ABLIM2: variants seen among roughly 807,000 people sequenced by gnomAD.
The protein encoded by ABLIM2 is actin binding LIM protein family member 2.
A neutral mutation model predicts 97.7 loss-of-function variants in ABLIM2; 53 were observed. The observed-to-expected ratio is 0.54, with a 90% confidence interval of 0.44 to 0.68. The LOEUF is 0.68. ABLIM2 is among the 30% of genes least tolerant of loss of function. ABLIM2 has a pLI of 0.00. For missense variants in ABLIM2, 835 were observed against 867.2 expected (o/e 0.96, Z 0.47); for synonymous variants, 361 against 345.8 (o/e 1.04, Z -0.49).
chr4:8,018,949 G>A (rs1030851270), intron 14 of ABLIM2, among the ~76,000 whole-genome samples: 1 of 152,186 alleles, frequency 6.6e-6, no homozygotes, highest in Non-Finnish European at 1.5e-5. Flanking sequence ...CGAGGCTCAG[G>A]ATGGTGAAGC....
At chr4:8,154,315 C>T (rs1714478705) in intron 1 of ABLIM2, among the ~76,000 whole-genome samples, 1 of 130,898 alleles carries the variant, frequency 7.6e-6, no homozygotes, top group African/African-American at 3.0e-5. Flanking sequence ...CAGAGTCTTG[C>T]TCTGTCACCA....
In ABLIM2 at chr4:8,021,963, C is replaced by T. The variant is rs1445338058; in HGVS notation, c.1268-1660G>A. Among the ~76,000 whole-genome samples, 1 of 152,142 alleles carries T rather than the reference C, an allele frequency of 6.6e-6. No individual in the cohort carries two copies. Among genetic ancestry groups the T allele is most frequent in the Admixed American group, 6.5e-5 (1 of 15,274 alleles). ...GCACCCTTGCTGGTCAGGTCACGCTCGTCAGGATGCTCCACGGTGGACTCC... is the reference window on the plus strand; with the variant it reads ...GCACCCTTGCTGGTCAGGTCACGCTTGTCAGGATGCTCCACGGTGGACTCC... On this transcript the variant is annotated intron_variant, in intron 12 of 20. Transcript: ENST00000447017. This position sits in a 1 kb window ranked among gnomAD's most constrained non-coding sequence, Gnocchi z 5.5.
At chr4:7,985,094 C>T (rs7662700) in intron 17 of ABLIM2, among the ~76,000 whole-genome samples, 31,295 of 152,076 alleles carry the variant, frequency 0.21, 4,443 homozygotes, top group East Asian at 0.4. Flanking sequence ...ATGCTGTGCC[C>T]GTGGGACTGG....
At chr4:8,117,839 C>T (rs181784710) in intron 1 of ABLIM2, among the ~76,000 whole-genome samples, 13 of 152,248 alleles carry the variant, frequency 8.5e-5, no homozygotes, top group Admixed American at 5.9e-4. Flanking sequence ...TATCCCCCCA[C>T]GCAGCGTCCT....
At position 8,019,510 on chromosome 4, in the gene ABLIM2, T is replaced by C. The variant is rs1433622547; in HGVS notation, c.1423+108A>G. On this transcript the variant is annotated intron_variant, in intron 14 of 20. Transcript: ENST00000447017. This position sits in a 1 kb window ranked among gnomAD's most constrained non-coding sequence, Gnocchi z 4.3. ...GTCAGACTGCTAAGGGCCTTGGTGG[T>C]GCCTTCACTGCATTTATCAGAACAC... is the stretch of plus-strand genomic sequence containing the variant. 2 of 1,085,436 alleles carry C rather than the reference T, an allele frequency of 1.8e-6. No homozygotes were observed. Among genetic ancestry groups the C allele is most frequent in the African/African-American group, 3.2e-5 (2 of 61,988 alleles). The allele number at this position is 1,085,436 out of a possible 1,614,324, so 67.2% of individuals were successfully genotyped here.
chr4:8,014,028 C>G (rs994500185), intron 14 of ABLIM2, among the ~76,000 whole-genome samples: 2 of 152,242 alleles, frequency 1.3e-5, no homozygotes, highest in African/African-American at 4.8e-5. Flanking sequence ...GGGGGCTGTT[C>G]CACCACTGTG....
intron 1 of ABLIM2, among the ~76,000 whole-genome samples, chr4:8,131,954 A>AACATCAGCCCGCATCCCCT (rs1561607982): frequency 7.5e-6 from 1 of 134,190 alleles, no homozygotes; most frequent in African/African-American, 3.3e-5. Context: ...TGCATCCCTG[A>AACATCAGCCCGCATCCCCT]GCACAGCAGC....
In ABLIM2 at chr4:8,125,123, G is replaced by C. The variant is rs375593203; in HGVS notation, c.11-18486C>G. ...TTCGTATATTCGAGATACAAGTCCCGTGTCAGCTTGCTAATTTGCAAATAT... is the reference window on the plus strand; with the variant it reads ...TTCGTATATTCGAGATACAAGTCCCCTGTCAGCTTGCTAATTTGCAAATAT... On this transcript the variant is annotated intron_variant, in intron 1 of 20. Transcript: ENST00000447017. The surrounding 1 kb of genome is among the most constrained non-coding windows in gnomAD (Gnocchi z 6.2). Among the ~76,000 whole-genome samples the C allele has an allele frequency of 1.3e-5, 2 of 152,164 alleles. No individual in the cohort carries two copies. Among genetic ancestry groups the C allele is most frequent in the African/African-American group, 4.8e-5 (2 of 41,430 alleles).
Position 7,984,819 on chromosome 4 carries a change from A to G in ABLIM2, c.1735+20T>C. 6.3e-7 allele frequency: 1 copy of G among 1,580,042 alleles called. No individual in the cohort carries two copies. Among genetic ancestry groups the G allele is most frequent in the East Asian group, 2.3e-5 (1 of 43,534 alleles). On this transcript the variant is annotated intron_variant, in intron 18 of 20. Transcript: ENST00000447017. ...ACCCCTGCCCCAGCCAGAGACCCAC[A>G]GGGTCCCCGCTCTGTGTACCTCGCA...
intron 20 of ABLIM2, 93 bp from the exon 21 acceptor site, chr4:7,967,196 A>T: frequency 1.9e-6 from 2 of 1,038,540 alleles, no homozygotes; most frequent in Non-Finnish European, 3.0e-6. Flanking sequence ...ATCCAGGGGC[A>T]GGATTGCATT....
chr4:8,158,121 C>T (rs1002860689), intron 1 of ABLIM2, among the ~76,000 whole-genome samples: 1 of 152,292 alleles, frequency 6.6e-6, no homozygotes, highest in Admixed American at 6.5e-5. Flanking sequence ...GGGCTGGAGA[C>T]GCGCAGAGAT....
In ABLIM2 at chr4:8,020,245, G is replaced by T; in HGVS notation, c.1326C>A (p.Pro442=). Residue 442 remains proline, a synonymous_variant, in exon 13 of 21, where the codon CCC becomes CCA. Coordinates refer to ENST00000447017, the MANE Select transcript of ABLIM2 (RefSeq NM_001130083.2). ...SLSVLSDSKP[P]PSTYQQAPRH... ...GAGGTGCCTGCTGGTAGGTGGAGGGGGGCGGCTTGCTGTCAGAGAGCACGG... is the reference window on the plus strand; with the variant it reads ...GAGGTGCCTGCTGGTAGGTGGAGGGTGGCGGCTTGCTGTCAGAGAGCACGG... 6 of 1,613,936 alleles carry T rather than the reference G, an allele frequency of 3.7e-6. No individual in the cohort carries two copies. Among genetic ancestry groups the T allele is most frequent in the Non-Finnish European group, 5.1e-6 (6 of 1,179,874 alleles).
At chr4:8,121,570 G>A (rs556479411) in intron 1 of ABLIM2, among the ~76,000 whole-genome samples, 83 of 152,324 alleles carry the variant, frequency 5.4e-4, no homozygotes, top group Admixed American at 1.6e-3. Context: ...CCCAGCCCAG[G>A]TCACGCAGCA....
chr4:8,047,229 G>T (rs189931900), intron 8 of ABLIM2, among the ~76,000 whole-genome samples: 3 of 152,258 alleles, frequency 2.0e-5, no homozygotes, highest in African/African-American at 7.2e-5. Context: ...AGGAGAGGAG[G>T]GAGTGGGCAT....
In ABLIM2 at chr4:8,014,258, C is replaced by G. The variant is rs536264294; in HGVS notation, c.1424-5156G>C. ...CTGGGGAAGGTGCCCGGGGTTTCAT[C>G]CCTTAGGCCAGAGAGAGACGCCCTC... On this transcript the variant is annotated intron_variant, in intron 14 of 20. Coordinates refer to ENST00000447017, the MANE Select transcript of ABLIM2 (RefSeq NM_001130083.2). Among the ~76,000 whole-genome samples, 6 of 152,360 alleles carry G rather than the reference C, an allele frequency of 3.9e-5. No individual in the cohort carries two copies. The South Asian group carries it at 1.2e-3, about 32-fold the overall frequency.
chr4:7,977,790 C>CAATAAATAAATAAATGAATAAATAAATA lies in ABLIM2; in HGVS notation c.1824+5473_1824+5474insTATTTATTTATTCATTTATTTATTTATT, dbSNP rs1553886717. On this transcript the variant is annotated intron_variant, in intron 20 of 20. Coordinates refer to ENST00000447017, the MANE Select transcript of ABLIM2 (RefSeq NM_001130083.2). ...TGGGAGACTGAGGGAGACTCTGTCTCAATAAATAAATAAATAAATAAATAA... is the reference window on the plus strand; with the variant it reads ...TGGGAGACTGAGGGAGACTCTGTCTCAATAAATAAATAAATGAATAAATAAATAAATAAATAAATAAATAAATAAATAA... Among the ~76,000 whole-genome samples the CAATAAATAAATAAATGAATAAATAAATA allele has an allele frequency of 6.4e-4, 91 of 142,304 alleles. 1 individual carries two copies. Among genetic ancestry groups the CAATAAATAAATAAATGAATAAATAAATA allele is most frequent in the African/African-American group, 2.0e-3 (75 of 38,136 alleles). 93.4% of individuals were successfully genotyped at this position (142,304 alleles called of 152,430 possible). A position where few individuals can be genotyped will look rare whatever the true frequency, so the allele number is the denominator to read the frequency against.
At chr4:8,105,679 A>G (rs1043767725) in intron 2 of ABLIM2, among the ~76,000 whole-genome samples, 1 of 152,242 alleles carries the variant, frequency 6.6e-6, no homozygotes, top group East Asian at 1.9e-4. Flanking sequence ...GAAGGCAGGC[A>G]GGCACGGGGC....
intron 1 of ABLIM2, among the ~76,000 whole-genome samples, chr4:8,144,531 T>G (rs1404346915): frequency 6.6e-6 from 1 of 152,182 alleles, no homozygotes; most frequent in Non-Finnish European, 1.5e-5. Context: ...CTGACCCACA[T>G]TTAATGCAGA....
chr4:8,085,021 T>A lies in ABLIM2; in HGVS notation c.454+3148A>T, dbSNP rs1290663973. ...CAGAGCTTCAGGGACACAGGGGACC[T>A]CCCAACGAGAGTGGTGGGGAAGCTG... On this transcript the variant is annotated intron_variant, in intron 4 of 20. Transcript: ENST00000447017. This position sits in a 1 kb window ranked among gnomAD's most constrained non-coding sequence, Gnocchi z 6.1. Among the ~76,000 whole-genome samples, 2 of 152,144 alleles carry A rather than the reference T, an allele frequency of 1.3e-5. No individual in the cohort carries two copies. Among genetic ancestry groups the A allele is most frequent in the African/African-American group, 2.4e-5 (1 of 41,450 alleles).
Sources: gnomAD v4.1 joint callset for allele counts (sites outside exome capture counted in the v4.1 genomes callset) on GRCh38, gnomAD v4.1.1 for gene constraint, Gnocchi (gnomAD v3.1) non-coding constraint, MANE v1.5 for transcripts, NCBI Gene and HGNC (gene_info 2026-07-23, HGNC 2026-07-21) for gene names.